FAM117A: variants seen among roughly 807,000 people sequenced by gnomAD.
The protein encoded by FAM117A is protein FAM117A.
In FAM117A, 21 loss-of-function variants were observed where a neutral mutation model predicts 44.1. That is an observed-to-expected ratio of 0.48 (90% CI 0.34 to 0.69). The LOEUF (loss-of-function observed/expected upper bound fraction) is 0.69. Among genes scored for constraint, FAM117A ranks in the 30% least tolerant of loss-of-function variants. FAM117A has a pLI of 0.01. For missense variants in FAM117A, 498 were observed against 589.9 expected (o/e 0.84, Z 1.61); for synonymous variants, 220 against 238.3 (o/e 0.92, Z 0.71).
At chr17:49,774,447 C>A (rs1307584543) in intron 1 of FAM117A, among the ~76,000 whole-genome samples, 1 of 151,434 alleles carries the variant, frequency 6.6e-6, no homozygotes, top group Non-Finnish European at 1.5e-5. Context: ...GCAACCTCTG[C>A]CTCCTGGGTT....
At chr17:49,783,229 G>A (rs534672927) in intron 1 of FAM117A, among the ~76,000 whole-genome samples, 21 of 152,248 alleles carry the variant, frequency 1.4e-4, no homozygotes, top group African/African-American at 4.6e-4. Flanking sequence ...CTACAGCCCT[G>A]GAGGGCTTTG....
chr17:49,737,746 G>A (rs1053072606), intron 1 of FAM117A, among the ~76,000 whole-genome samples: 2 of 152,182 alleles, frequency 1.3e-5, no homozygotes, highest in Non-Finnish European at 2.9e-5. Flanking sequence ...CTGTAAAAGG[G>A]GATAGGGAAA....
intron 1 of FAM117A, among the ~76,000 whole-genome samples, chr17:49,748,943 G>A (rs1038686408): frequency 3.3e-5 from 5 of 152,180 alleles, no homozygotes; most frequent in African/African-American, 1.2e-4. Context: ...AGCTCTGTCT[G>A]CTTAGCAATG....
At chr17:49,763,625 C>T (rs1453632631) in intron 1 of FAM117A, among the ~76,000 whole-genome samples, 2 of 151,726 alleles carry the variant, frequency 1.3e-5, no homozygotes, top group African/African-American at 4.8e-5. Context: ...TTTTCGGTTA[C>T]GCCCCCAAAG....
At chr17:49,736,725 T>C (rs2143743938) in intron 1 of FAM117A, among the ~76,000 whole-genome samples, 1 of 152,314 alleles carries the variant, frequency 6.6e-6, no homozygotes, top group African/African-American at 2.4e-5. Context: ...AGGGTTAAAA[T>C]CTGTTCATCT....
intron 1 of FAM117A, among the ~76,000 whole-genome samples, chr17:49,772,317 T>C (rs2073763435): frequency 6.6e-6 from 1 of 151,112 alleles, no homozygotes; most frequent in African/African-American, 2.4e-5. Context: ...ATCATCAAAA[T>C]CCAGTTCAAG....
chr17:49,776,843 G>T (rs1309026260), intron 1 of FAM117A, among the ~76,000 whole-genome samples: 1 of 152,186 alleles, frequency 6.6e-6, no homozygotes, highest in African/African-American at 2.4e-5. Context: ...AGCTGCAAGA[G>T]GAGGCCCTAG....
At chr17:49,712,991 T>G (rs1424964926) in intron 7 of FAM117A, among the ~76,000 whole-genome samples, 1 of 152,194 alleles carries the variant, frequency 6.6e-6, no homozygotes, top group Non-Finnish European at 1.5e-5. Flanking sequence ...ATCCTCCTGC[T>G]CAGCTTCCCA....
At chr17:49,755,762 T>C (rs1227330897) in intron 1 of FAM117A, among the ~76,000 whole-genome samples, 1 of 152,056 alleles carries the variant, frequency 6.6e-6, no homozygotes, top group African/African-American at 2.4e-5. Flanking sequence ...AGAGAGGTAT[T>C]ATAGAGGGGG....
chr17:49,722,421 G>T, intron 3 of FAM117A, 78 bp downstream of exon 3: 1 of 1,178,786 alleles, frequency 8.5e-7, no homozygotes, highest in Non-Finnish European at 1.2e-6. Context: ...ACGCCACCAT[G>T]GAGCAGATGC....
intron 1 of FAM117A, among the ~76,000 whole-genome samples, chr17:49,749,107 G>A (rs1164956223): frequency 6.6e-6 from 1 of 152,164 alleles, no homozygotes; most frequent in East Asian, 1.9e-4. Context: ...TCACAAGGCG[G>A]TGGGTACAAA....
At chr17:49,735,404 A>G (rs933311907) in intron 1 of FAM117A, among the ~76,000 whole-genome samples, 1 of 151,750 alleles carries the variant, frequency 6.6e-6, no homozygotes, top group African/African-American at 2.4e-5. Flanking sequence ...AAAAAAAGAC[A>G]CTAACAATAC....
intron 5 of FAM117A, among the ~76,000 whole-genome samples, chr17:49,718,640 C>T (rs1320231233): frequency 1.4e-5 from 2 of 147,106 alleles, no homozygotes; most frequent in Non-Finnish European, 3.0e-5. Context: ...CACTGCACTC[C>T]AGCCTGGGCG....
chr17:49,730,885 G>C (rs935185017), intron 2 of FAM117A, among the ~76,000 whole-genome samples: 6 of 152,098 alleles, frequency 3.9e-5, no homozygotes, highest in African/African-American at 1.4e-4. Context: ...GATTCAAGGT[G>C]GGGTATTCCC....
intron 2 of FAM117A, among the ~76,000 whole-genome samples, chr17:49,726,883 G>A (rs561904513): frequency 6.6e-6 from 1 of 152,142 alleles, no homozygotes; most frequent in Admixed American, 6.5e-5. Context: ...GGGAGGCTGA[G>A]GCAGGAGGAC....
chr17:49,740,270 G>C (rs1458287627), intron 1 of FAM117A, among the ~76,000 whole-genome samples: 1 of 150,654 alleles, frequency 6.6e-6, no homozygotes, highest in African/African-American at 2.4e-5. Flanking sequence ...TTTTTTGAGA[G>C]GGAGTCTCAC....
intron 1 of FAM117A, among the ~76,000 whole-genome samples, chr17:49,754,741 T>TA (rs1039754232): frequency 2.0e-5 from 3 of 152,172 alleles, no homozygotes; most frequent in African/African-American, 7.2e-5. Flanking sequence ...CTGGGCAGGT[T>TA]AAAACAGCCG....
chr17:49,758,368 G>C (rs1395094664), intron 1 of FAM117A, among the ~76,000 whole-genome samples: 1 of 150,756 alleles, frequency 6.6e-6, no homozygotes, highest in African/African-American at 2.4e-5. Context: ...GCTCACGCCT[G>C]TAATCCCAGC....
At chr17:49,732,467 G>T in intron 2 of FAM117A, 84 bp downstream of exon 2, 2 of 1,280,698 alleles carry the variant, frequency 1.6e-6, no homozygotes, top group South Asian at 1.3e-5. Context: ...TCATCGCAAT[G>T]ACTTGAGGAA....
Sources: gnomAD v4.1 joint callset for allele counts (sites outside exome capture counted in the v4.1 genomes callset) on GRCh38, gnomAD v4.1.1 for gene constraint, MANE v1.5 for transcripts, NCBI Gene and HGNC (gene_info 2026-07-23, HGNC 2026-07-21) for gene names.